The following CSMD1 variants were observed in gnomAD, a reference collection of about 807,000 sequenced individuals.
The protein encoded by CSMD1 is CUB and sushi domain-containing protein 1.
Under a neutral mutation model 417.5 loss-of-function variants are expected in CSMD1, and 213 were observed. The ratio of observed to expected loss-of-function variants is 0.51; its 90% CI spans 0.46 to 0.57. The LOEUF is 0.57. Ranked by LOEUF, CSMD1 falls within the 20% of genes least tolerant of loss-of-function variation. CSMD1 has a pLI of 0.00. For synonymous variants in CSMD1, 2,862 were observed against 1,736.8 expected (o/e 1.65, Z -16.11); for missense variants, 6,923 against 4,529.7 (o/e 1.53, Z -15.17).
At chr8:4,576,521 A>G (rs1799143669) in intron 2 of CSMD1, among the ~76,000 whole-genome samples, 1 of 152,098 alleles carries the variant, frequency 6.6e-6, no homozygotes, top group Non-Finnish European at 1.5e-5. Flanking sequence ...CTCCTACTAT[A>G]CCAAGATAGC....
At chr8:2,948,989 A>C (rs1392510474) in intron 68 of CSMD1, among the ~76,000 whole-genome samples, 4 of 151,072 alleles carry the variant, frequency 2.6e-5, no homozygotes. Flanking sequence ...ACTTTTAAGA[A>C]CTCTTAGTTT....
chr8:3,200,318 G>T (rs868223622), intron 32 of CSMD1, among the ~76,000 whole-genome samples: 3 of 152,008 alleles, frequency 2.0e-5, no homozygotes, highest in African/African-American at 7.2e-5. Context: ...ATTTTGGGAG[G>T]CTGAAGCTGG....
chr8:3,955,965 T>C (rs1013552833), intron 5 of CSMD1, among the ~76,000 whole-genome samples: 1 of 152,120 alleles, frequency 6.6e-6, no homozygotes, highest in African/African-American at 2.4e-5. Flanking sequence ...AACTAATTGT[T>C]TGTATTTTTA....
At chr8:4,310,441 A>C (rs1391159140) in intron 3 of CSMD1, among the ~76,000 whole-genome samples, 1 of 152,230 alleles carries the variant, frequency 6.6e-6, no homozygotes, top group Non-Finnish European at 1.5e-5. Context: ...TAAATTGTGC[A>C]GAAGTAGGAA....
chr8:4,354,765 T>C (rs1355778763), intron 3 of CSMD1, among the ~76,000 whole-genome samples: 1 of 151,978 alleles, frequency 6.6e-6, no homozygotes, highest in African/African-American at 2.4e-5. Flanking sequence ...TTTTATAGAT[T>C]TCCCCCCTCC....
At chr8:3,759,014 C>T (rs920253435) in intron 5 of CSMD1, among the ~76,000 whole-genome samples, 6 of 152,176 alleles carry the variant, frequency 3.9e-5, no homozygotes, top group Admixed American at 2.0e-4. Flanking sequence ...TAACTGGAAA[C>T]GCAAACAAAC....
chr8:4,503,264 C>A (rs1183954994), intron 2 of CSMD1, among the ~76,000 whole-genome samples: 1 of 152,066 alleles, frequency 6.6e-6, no homozygotes, highest in Non-Finnish European at 1.5e-5. Flanking sequence ...GCCATGGCAG[C>A]CTGCTTGACA....
chr8:4,773,811 C>A (rs1447020054), intron 1 of CSMD1, among the ~76,000 whole-genome samples: 2 of 152,094 alleles, frequency 1.3e-5, no homozygotes, highest in Non-Finnish European at 2.9e-5. Flanking sequence ...CATAAATTCC[C>A]AATAAAGTTA....
chr8:4,111,119 T>C (rs1021991505), intron 3 of CSMD1, among the ~76,000 whole-genome samples: 1 of 152,138 alleles, frequency 6.6e-6, no homozygotes, highest in African/African-American at 2.4e-5. Context: ...CAAAGTTTTG[T>C]TTTGCTCTGG....
chr8:3,953,086 A>G (rs1306007268), intron 5 of CSMD1, among the ~76,000 whole-genome samples: 3 of 152,168 alleles, frequency 2.0e-5, no homozygotes, highest in Admixed American at 1.3e-4. Flanking sequence ...TTTGTAAAGG[A>G]GAAGAAAATC....
At chr8:3,808,819 G>C (rs529141102) in intron 5 of CSMD1, among the ~76,000 whole-genome samples, 6 of 152,316 alleles carry the variant, frequency 3.9e-5, no homozygotes, top group South Asian at 4.1e-4. Flanking sequence ...TTTGGCAGTA[G>C]AGCAAGGCTA....
intron 5 of CSMD1, among the ~76,000 whole-genome samples, chr8:3,825,956 C>T (rs1802032448): frequency 6.6e-6 from 1 of 152,134 alleles, no homozygotes; most frequent in African/African-American, 2.4e-5. Flanking sequence ...AGATTAAATG[C>T]ATCGTTTTAA....
chr8:3,563,846 G>A (rs752680528), intron 10 of CSMD1, among the ~76,000 whole-genome samples: 38 of 152,108 alleles, frequency 2.5e-4, no homozygotes, highest in Non-Finnish European at 5.0e-4. Flanking sequence ...CCAAGAGTAT[G>A]CCATCGCACT....
chr8:3,432,458 G>T (rs1364201191), intron 12 of CSMD1, among the ~76,000 whole-genome samples: 1 of 148,218 alleles, frequency 6.7e-6, no homozygotes, highest in African/African-American at 2.5e-5. Context: ...TTTTAGAAAA[G>T]TTGTTACTCC....
At chr8:3,227,960 G>T (rs1489020880) in intron 27 of CSMD1, among the ~76,000 whole-genome samples, 1 of 151,154 alleles carries the variant, frequency 6.6e-6, no homozygotes, top group Non-Finnish European at 1.5e-5. Context: ...TAGAGATAGG[G>T]TTTCACCATG....
intron 3 of CSMD1, among the ~76,000 whole-genome samples, chr8:4,131,167 G>A (rs17069103): frequency 0.16 from 24,687 of 152,156 alleles, 2,131 homozygotes; most frequent in Middle Eastern, 0.2. Context: ...ACAAAAGACT[G>A]AGAGTAGTAC....
chr8:4,437,527 T>C (rs1563172143), intron 2 of CSMD1, among the ~76,000 whole-genome samples: 1 of 152,234 alleles, frequency 6.6e-6, no homozygotes, highest in East Asian at 1.9e-4. Flanking sequence ...TTTTGTCATT[T>C]ATTTCATATT....
intron 4 of CSMD1, among the ~76,000 whole-genome samples, chr8:4,028,948 A>G (rs1000915791): frequency 6.6e-6 from 1 of 152,222 alleles, no homozygotes; most frequent in Non-Finnish European, 1.5e-5. Context: ...TATTTTTGGA[A>G]AATGTAAAAA....
At chr8:3,990,959 C>T (rs1410585562) in intron 5 of CSMD1, among the ~76,000 whole-genome samples, 1 of 152,154 alleles carries the variant, frequency 6.6e-6, no homozygotes, top group East Asian at 1.9e-4. Flanking sequence ...TGATGCTTTT[C>T]AGAAGGACAG....
Sources: gnomAD v4.1 joint callset for allele counts (sites outside exome capture counted in the v4.1 genomes callset) on GRCh38, gnomAD v4.1.1 for gene constraint, MANE v1.5 for transcripts, NCBI Gene and HGNC (gene_info 2026-07-23, HGNC 2026-07-21) for gene names.